Variants in CD8A observed in about 807,000 individuals in gnomAD.
The protein encoded by CD8A is CD8 subunit alpha, also known as T-cell surface glycoprotein CD8 alpha chain.
Under a neutral mutation model 24.2 loss-of-function variants are expected in CD8A, and 25 were observed. That is an observed-to-expected ratio of 1.03 (90% CI 0.75 to 1.44). The LOEUF is 1.44. Ranked by LOEUF, CD8A falls within the 40% of genes most tolerant of loss-of-function variation. The probability of loss-of-function intolerance (pLI) is 0.00; values close to 1 mark genes in which losing one functional copy is unlikely to be tolerated. For synonymous variants in CD8A, 165 were observed against 149.9 expected (o/e 1.10, Z -0.74); for missense variants, 360 against 319.7 (o/e 1.13, Z -0.96).
upstream of CD8A, among the ~76,000 whole-genome samples, chr2:86,794,274 T>C (rs901721970): frequency 2.6e-5 from 4 of 152,218 alleles, no homozygotes; most frequent in Admixed American, 6.5e-5. Flanking sequence ...AACTGGTCCA[T>C]GGAAATGGAA....
rs763318708 is a variant in CD8A at position 86,785,703 on chromosome 2, G to A, written c.*217C>T. 2.8e-6 allele frequency: 2 copies of A among 709,750 alleles called. No individual in the cohort carries two copies. Among genetic ancestry groups the A allele is most frequent in the South Asian group, 1.5e-5 (1 of 68,368 alleles). The allele number at this position is 709,750 out of a possible 1,614,324, so 44.0% of individuals were successfully genotyped here. A position where few individuals can be genotyped will look rare whatever the true frequency, so the allele number is the denominator to read the frequency against. On this transcript the variant is annotated 3_prime_UTR_variant, in exon 6 of 6. Transcript: ENST00000283635. Reference sequence around the variant, plus strand: ...GCCCTACCGCGATGTGCGCACAACAGTATTGTGACCCTTGTGGTGTACTGT... The same window carrying A: ...GCCCTACCGCGATGTGCGCACAACAATATTGTGACCCTTGTGGTGTACTGT...
In CD8A at chr2:86,788,637, G is replaced by A. The variant is rs1673124365; in HGVS notation, c.626-77C>T. Reference sequence around the variant, plus strand: ...CCCCAAAGACAGTGTATTTTTTGTTGTTGCTGTTGTTGTTGCTGCTGTTTT... The same window carrying A: ...CCCCAAAGACAGTGTATTTTTTGTTATTGCTGTTGTTGTTGCTGCTGTTTT... On this transcript the variant is annotated intron_variant, in intron 4 of 5. Transcript: ENST00000283635. 7.6e-5 allele frequency: 102 copies of A among 1,338,950 alleles called. 1 individual carries two copies. The South Asian group carries it at 1.2e-3, about 15-fold the overall frequency. The allele number at this position is 1,338,950 out of a possible 1,614,324, so 82.9% of individuals were successfully genotyped here.
At position 86,790,518 on chromosome 2, in the gene CD8A, T is replaced by G; in HGVS notation, c.213A>C (p.Leu71=). 6.2e-7 allele frequency: 1 copy of G among 1,613,448 alleles called. No homozygotes were observed. Among genetic ancestry groups the G allele is most frequent in the Non-Finnish European group, 8.5e-7 (1 of 1,179,900 alleles). ...RGAAASPTFL[L]YLSQNKPKAA... The stretch of plus-strand genomic sequence containing the variant: ...CCTTGGGCTTGTTTTGGGAGAGGTA[T>G]AGGAGGAAGGTGGGACTGGCGGCGG... The change falls in exon 2 of 6, where the codon CTA becomes CTC. Residue 71 remains leucine, a synonymous_variant. Coordinates refer to ENST00000283635, the MANE Select transcript of CD8A (RefSeq NM_001768.7).
chr2:86,789,752 T>C lies in CD8A; in HGVS notation c.404-2A>G, dbSNP rs1382777298. 3.7e-6 allele frequency: 5 copies of C among 1,355,778 alleles called. No homozygotes were observed. Among genetic ancestry groups the C allele is most frequent in the Non-Finnish European group, 3.8e-6 (4 of 1,061,432 alleles). 84.0% of individuals were successfully genotyped at this position (1,355,778 alleles called of 1,614,324 possible). A position where few individuals can be genotyped will look rare whatever the true frequency, so the allele number is the denominator to read the frequency against. ...GCGCTGGCGTCGTGGTGGGCTTCGC[T>C]GCAAGAGCAACAGAGCGTGGTTGGG... On this transcript the variant is annotated splice_acceptor_variant, in intron 2 of 5. Coordinates refer to ENST00000283635, the MANE Select transcript of CD8A (RefSeq NM_001768.7). LOFTEE classifies it high-confidence loss of function.
chr2:86,790,476 G>A lies in CD8A; in HGVS notation c.255C>T (p.Asp85=). ...QNKPKAAEGL[D]TQRFSGKRLG... ...ACCTCTTGCCCGAGAACCGCTGGGT[G>A]TCCAGCCCCTCGGCCGCCTTGGGCT... Residue 85 remains aspartate, a synonymous_variant, in exon 2 of 6, where the codon GAC becomes GAT. Transcript: ENST00000283635. 1 of 1,614,188 alleles carries A rather than the reference G, an allele frequency of 6.2e-7. No individual in the cohort carries two copies. Among genetic ancestry groups the A allele is most frequent in the South Asian group, 1.1e-5 (1 of 91,092 alleles).
At chr2:86,797,834 A>C (rs1673531318) in intron 3 of CD8A, among the ~76,000 whole-genome samples, 2 of 152,082 alleles carry the variant, frequency 1.3e-5, no homozygotes, top group African/African-American at 4.8e-5. Context: ...GTACCACCCC[A>C]CCCGCCTTCT....
At position 86,786,097 on chromosome 2, in the gene CD8A, G is replaced by A; in HGVS notation, c.657-126C>T. On this transcript the variant is annotated intron_variant, in intron 5 of 5. Transcript: ENST00000283635. ...CTGAGAACCTGTTCCTGGGGCACCA[G>A]CATGGGACTGGGTGAATGACGTCAG... 3.8e-6 allele frequency: 3 copies of A among 795,306 alleles called. No individual in the cohort carries two copies. In the East Asian group the frequency reaches 7.3e-5, roughly 19 times the overall value. The allele number at this position is 795,306 out of a possible 1,614,324, so 49.3% of individuals were successfully genotyped here.
chr2:86,787,644 A>C (rs1673071998), intron 5 of CD8A, among the ~76,000 whole-genome samples: 1 of 152,130 alleles, frequency 6.6e-6, no homozygotes, highest in Non-Finnish European at 1.5e-5. Flanking sequence ...AAAATCTATA[A>C]AGCAAGTAAC....
chr2:86,790,721 C>CGCCCCCT, intron 1 of CD8A, 40 bp from the exon 2 acceptor site: 1 of 1,373,094 alleles, frequency 7.3e-7, no homozygotes, highest in Non-Finnish European at 9.7e-7. Context: ...CGCAGTCCCG[C>CGCCCCCT]GCCCCCCGCC....
At chr2:86,788,770 A>T (rs1383501903) in intron 4 of CD8A, among the ~76,000 whole-genome samples, 2 of 151,984 alleles carry the variant, frequency 1.3e-5, no homozygotes, top group African/African-American at 4.8e-5. Context: ...TTCTTTGAGG[A>T]TTATAACTCT....
Position 86,790,529 on chromosome 2 carries a change from T to A in CD8A, c.202A>T (p.Thr68Ser). Residue 68 changes from threonine to serine, a missense_variant, in exon 2 of 6, where the codon ACC (threonine) becomes TCC (serine). Thr to Ser is a moderately conservative substitution (Grantham distance 58, BLOSUM62 1). Coordinates refer to ENST00000283635, the MANE Select transcript of CD8A (RefSeq NM_001768.7). ...TTTTGGGAGAGGTATAGGAGGAAGGTGGGACTGGCGGCGGCGCCGCGCGGC... is the reference window on the plus strand; with the variant it reads ...TTTTGGGAGAGGTATAGGAGGAAGGAGGGACTGGCGGCGGCGCCGCGCGGC... ...FQPRGAAASP[T>S]FLLYLSQNKP... 1.2e-6 allele frequency: 2 copies of A among 1,613,650 alleles called. No individual in the cohort carries two copies. The highest frequency in any genetic ancestry group is 2.2e-5 in the South Asian group (2 of 91,062).
chr2:86,802,208 T>C (rs924659711), intron 2 of CD8A, among the ~76,000 whole-genome samples: 11 of 152,080 alleles, frequency 7.2e-5, no homozygotes, highest in Admixed American at 7.2e-4. Context: ...TGGCTAATTT[T>C]TGTATTTTTA....
chr2:86,785,116 T>G lies in CD8A; in HGVS notation c.*804A>C, dbSNP rs1672940234. ...CTATTTGTAAAGGGGTAGCCTGTCC[T>G]CTTTCATGGGCCCCTCTGCAATGCA... On this transcript the variant is annotated 3_prime_UTR_variant, in exon 6 of 6. Transcript: ENST00000283635. 2 of 453,998 alleles carry G rather than the reference T, an allele frequency of 4.4e-6. No individual in the cohort carries two copies. Among genetic ancestry groups the G allele is most frequent in the South Asian group, 1.6e-5 (1 of 64,486 alleles). 28.1% of individuals were successfully genotyped at this position (453,998 alleles called of 1,614,324 possible).
rs143011683 is a variant in CD8A, at chr2:86,797,322, C to T, written c.-271+4189G>A. On this transcript the variant is annotated intron_variant, in intron 3 of 8. Transcript: ENST00000409511. ...GTATATGGAACCTTCAGGGAAGGCT[C>T]GTATTGAAGAGCAGGAAATAAAACA... Among the ~76,000 whole-genome samples the T allele has an allele frequency of 7.9e-3, 1,208 of 152,056 alleles. 14 individuals are homozygous for T. Among genetic ancestry groups the T allele is most frequent in the African/African-American group, 0.027 (1,137 of 41,452 alleles).
At chr2:86,791,131 T>C (rs1027071036), upstream of CD8A, 3 of 646,626 alleles carry the variant, frequency 4.6e-6, no homozygotes, top group East Asian at 2.9e-5. Flanking sequence ...GGCTTGGAAA[T>C]AGTCCTTGGA....
upstream of CD8A, among the ~76,000 whole-genome samples, chr2:86,794,505 T>G (rs1481482650): frequency 6.6e-6 from 1 of 152,206 alleles, no homozygotes; most frequent in Admixed American, 6.5e-5. Flanking sequence ...CTAGAAACTC[T>G]AGAGTTATCA....
chr2:86,787,019 CAAAAAAAAAAA>C (rs745778659), intron 5 of CD8A, among the ~76,000 whole-genome samples: 24 of 36,562 alleles, frequency 6.6e-4, no homozygotes, highest in East Asian at 5.7e-3. Flanking sequence ...GACTCCGTCT[CAAAAAAAAAAA>C]AAAAAAAAAA....
At chr2:86,798,197 T>C (rs992379473) in intron 3 of CD8A, among the ~76,000 whole-genome samples, 1 of 151,614 alleles carries the variant, frequency 6.6e-6, no homozygotes, top group African/African-American at 2.4e-5. Flanking sequence ...TTTTTTGAGA[T>C]GGAGTTTCCC....
upstream of CD8A, among the ~76,000 whole-genome samples, chr2:86,792,419 C>A (rs1673340720): frequency 1.3e-5 from 2 of 152,320 alleles, no homozygotes; most frequent in South Asian, 4.1e-4. Flanking sequence ...ATGGGCTGAG[C>A]TGTGCTTGTT....
Sources: gnomAD v4.1 joint callset for allele counts (sites outside exome capture counted in the v4.1 genomes callset) on GRCh38, gnomAD v4.1.1 for gene constraint, MANE v1.5 for transcripts, NCBI Gene and HGNC (gene_info 2026-07-23, HGNC 2026-07-21) for gene names.